The following FMO4 variants were observed in gnomAD, a reference collection of about 807,000 sequenced individuals.
The protein encoded by FMO4 is flavin containing dimethylaniline monoxygenase 4.
A neutral mutation model predicts 43.3 loss-of-function variants in FMO4; 38 were observed. That is an observed-to-expected ratio of 0.88 (90% CI 0.68 to 1.15). The LOEUF is 1.15. Among genes scored for constraint, FMO4 ranks in the 50% most tolerant of loss-of-function variants. The pLI is 0.00. For synonymous variants in FMO4, 224 were observed against 232.2 expected (o/e 0.96, Z 0.32); for missense variants, 631 against 663.3 (o/e 0.95, Z 0.54).
At chr1:171,315,225 G>A (rs1014656805) in intron 1 of FMO4, among the ~76,000 whole-genome samples, 53 of 152,204 alleles carry the variant, frequency 3.5e-4, no homozygotes, top group African/African-American at 1.1e-3. Flanking sequence ...CCAGGAGGTG[G>A]AGGTTGCAGT....
At chr1:171,324,807 A>G (rs1255035414) in intron 5 of FMO4, among the ~76,000 whole-genome samples, 1 of 152,208 alleles carries the variant, frequency 6.6e-6, no homozygotes, top group African/African-American at 2.4e-5. Flanking sequence ...GTCACCCTTC[A>G]AAACAGTCAA....
rs1344002348 is a variant in FMO4 at position 171,316,184 on chromosome 1, A to C, written c.-150-2A>C. The C allele has an allele frequency of 6.6e-6, 1 of 152,164 alleles. No homozygotes were observed. The highest frequency in any genetic ancestry group is 1.5e-5 in the Non-Finnish European group (1 of 68,024). The allele number at this position is 152,164 out of a possible 1,614,324, so 9.4% of individuals were successfully genotyped here. Reference sequence around the variant, plus strand: ...TCATTTCTTTTTACCTTATGATTGCAGAGATAGAGCACAGCAAAGATCTGC... The same window carrying C: ...TCATTTCTTTTTACCTTATGATTGCCGAGATAGAGCACAGCAAAGATCTGC... On this transcript the variant is annotated splice_acceptor_variant, in intron 1 of 9. Transcript: ENST00000367749. LOFTEE classifies it low-confidence loss of function (5UTR_SPLICE).
At chr1:171,329,338 G>A (rs1662806164) in intron 5 of FMO4, among the ~76,000 whole-genome samples, 2 of 152,026 alleles carry the variant, frequency 1.3e-5, no homozygotes, top group East Asian at 3.9e-4. Flanking sequence ...CAGATTATAT[G>A]CTCTCAGGCT....
At chr1:171,320,677 C>T (rs1261822947) in intron 3 of FMO4, among the ~76,000 whole-genome samples, 1 of 151,946 alleles carries the variant, frequency 6.6e-6, no homozygotes, top group Non-Finnish European at 1.5e-5. Context: ...GGGATCTGCC[C>T]CAGTAGTGAA....
chr1:171,326,633 G>A (rs1254486672), intron 5 of FMO4, among the ~76,000 whole-genome samples: 1 of 152,212 alleles, frequency 6.6e-6, no homozygotes, highest in African/African-American at 2.4e-5. Flanking sequence ...ATTAGTCATT[G>A]GCTGTACATT....
intron 9 of FMO4, among the ~76,000 whole-genome samples, chr1:171,340,622 T>G (rs1176697909): frequency 6.6e-6 from 1 of 152,192 alleles, no homozygotes; most frequent in African/African-American, 2.4e-5. Context: ...TATTTCTTTT[T>G]AATTATTTTA....
intron 8 of FMO4, 104 bp from the exon 9 acceptor site, chr1:171,337,252 G>A (rs1363368030): frequency 3.8e-6 from 3 of 791,158 alleles, no homozygotes; most frequent in Non-Finnish European, 2.3e-6. Flanking sequence ...ACTATCATGT[G>A]CTCTGAAGTT....
Position 171,332,544 on chromosome 1 carries a change from G to T in FMO4, c.628-165G>T, listed in dbSNP as rs45473891. Among the ~76,000 whole-genome samples the T allele has an allele frequency of 9.9e-4, 151 of 152,168 alleles. 2 individuals carry two copies. The East Asian group carries it at 0.024, about 24-fold the overall frequency. On this transcript the variant is annotated intron_variant, in intron 6 of 9. Transcript: ENST00000367749. Reference sequence around the variant, plus strand: ...CTAGTAAAGTGATTTTGAGAACAATGACAGCAATAGGAACAGATAATCGTA... The same window carrying T: ...CTAGTAAAGTGATTTTGAGAACAATTACAGCAATAGGAACAGATAATCGTA...
intron 3 of FMO4, among the ~76,000 whole-genome samples, chr1:171,321,223 A>G (rs1353800151): frequency 6.6e-6 from 1 of 152,232 alleles, no homozygotes; most frequent in Admixed American, 6.5e-5. Context: ...TGAGGTAAAC[A>G]AATAGGGAAA....
At position 171,332,729 on chromosome 1, in the gene FMO4, T is replaced by G. The variant is rs1473008808; in HGVS notation, c.648T>G (p.Thr216=). The change falls in exon 7 of 10, where the codon ACT becomes ACG. Residue 216 remains threonine (T), a synonymous_variant. Transcript: ENST00000367749. ...TTTAGGTACTTCTCAGTACTAGAAC[T>G]GGTACCTGGGTTCTTGGGCGCTCTT... ...TAAQVLLSTR[T]GTWVLGRSSD... is the part of the protein sequence containing the mutation. 1 of 1,609,612 alleles carries G rather than the reference T, an allele frequency of 6.2e-7. No homozygotes were observed. The highest frequency in any genetic ancestry group is 8.5e-7 in the Non-Finnish European group (1 of 1,176,016).
chr1:171,323,162 C>T lies in FMO4; in HGVS notation c.291C>T (p.His97=), dbSNP rs772066281. Residue 97 remains histidine, a synonymous_variant, in exon 4 of 10, where the codon CAC becomes CAT. Transcript: ENST00000367749. ...ACTATCTCCAAGAATTTGCTGAGCA[C>T]TTTGACCTCCTGAAATACATTCAGT... ...FWDYLQEFAE[H]FDLLKYIQFK... is the part of the protein sequence containing the mutation. 3 of 1,613,502 alleles carry T rather than the reference C, an allele frequency of 1.9e-6. No individual in the cohort carries two copies. The highest frequency in any genetic ancestry group is 2.5e-6 in the Non-Finnish European group (3 of 1,179,560).
intron 8 of FMO4, among the ~76,000 whole-genome samples, chr1:171,335,423 AG>A (rs1227840870): frequency 6.6e-6 from 1 of 152,236 alleles, no homozygotes; most frequent in Non-Finnish European, 1.5e-5. Flanking sequence ...ATTAAGTGAC[AG>A]GGTTTCTCTG....
chr1:171,320,806 T>C (rs1268621460), intron 3 of FMO4, among the ~76,000 whole-genome samples: 1 of 151,694 alleles, frequency 6.6e-6, no homozygotes, highest in African/African-American at 2.4e-5. Context: ...TGAGACCCTA[T>C]CTCTACAAAA....
At position 171,316,168 on chromosome 1, in the gene FMO4, T is replaced by G. The variant is rs1662190360; in HGVS notation, c.-150-18T>G. Reference sequence around the variant, plus strand: ...GCAATTCAGTTAGCAGTCATTTCTTTTTACCTTATGATTGCAGAGATAGAG... The same window carrying G: ...GCAATTCAGTTAGCAGTCATTTCTTGTTACCTTATGATTGCAGAGATAGAG... On this transcript the variant is annotated intron_variant, in intron 1 of 9. Transcript: ENST00000367749. The G allele has an allele frequency of 6.6e-6, 1 of 152,182 alleles. No homozygotes were observed. The highest frequency in any genetic ancestry group is 1.5e-5 in the Non-Finnish European group (1 of 68,042). 9.4% of individuals were successfully genotyped at this position (152,182 alleles called of 1,614,324 possible).
chr1:171,317,849 A>G (rs965535638), intron 2 of FMO4, among the ~76,000 whole-genome samples: 11 of 152,142 alleles, frequency 7.2e-5, no homozygotes, highest in Non-Finnish European at 1.0e-4. Flanking sequence ...TAGGACTCTA[A>G]ATGCTTTGAA....
chr1:171,334,361 GT>G (rs1256143375), intron 7 of FMO4, 49 bp from the exon 8 acceptor site: 1 of 1,198,312 alleles, frequency 8.3e-7, no homozygotes, highest in Non-Finnish European at 1.2e-6. Flanking sequence ...ATTTGCTGAA[GT>G]TTCTCATAAA....
chr1:171,333,954 G>A (rs1246933531), intron 7 of FMO4, among the ~76,000 whole-genome samples: 2 of 152,042 alleles, frequency 1.3e-5, no homozygotes, highest in Admixed American at 1.3e-4. Context: ...CTCCCAGATA[G>A]GTGGGACTAC....
rs1662140871 is a variant in FMO4 at position 171,315,029 on chromosome 1, C to G, written c.-151+616C>G. Reference sequence around the variant, plus strand: ...AACCTATGGCTGGCACGGTGGCTCACGCCTGTAATCCCAGCACTTTGGAAA... The same window carrying G: ...AACCTATGGCTGGCACGGTGGCTCAGGCCTGTAATCCCAGCACTTTGGAAA... On this transcript the variant is annotated intron_variant, in intron 1 of 9. Coordinates refer to ENST00000367749, the MANE Select transcript of FMO4 (RefSeq NM_002022.3). Among the ~76,000 whole-genome samples the G allele has an allele frequency of 3.3e-5, 5 of 152,286 alleles. No individual in the cohort carries two copies. In the South Asian group the frequency reaches 8.3e-4, roughly 25 times the overall value.
intron 6 of FMO4, 134 bp downstream of exon 6, chr1:171,331,916 AC>A: frequency 3.7e-6 from 3 of 802,440 alleles, no homozygotes; most frequent in Non-Finnish European, 6.1e-6. Flanking sequence ...AAAAAAAAAA[AC>A]ATTGAAAATC....
Sources: gnomAD v4.1 joint callset for allele counts (sites outside exome capture counted in the v4.1 genomes callset) on GRCh38, gnomAD v4.1.1 for gene constraint, MANE v1.5 for transcripts, NCBI Gene and HGNC (gene_info 2026-07-23, HGNC 2026-07-21) for gene names.